Variants in BSN observed in about 807,000 individuals in gnomAD.
BSN encodes bassoon presynaptic cytomatrix protein, also known as protein bassoon.
Under a neutral mutation model 264.8 loss-of-function variants are expected in BSN, and 57 were observed. The observed-to-expected ratio is 0.22, with a 90% confidence interval of 0.17 to 0.27. The LOEUF (loss-of-function observed/expected upper bound fraction) is 0.27. Among genes scored for constraint, BSN ranks in the 10% least tolerant of loss-of-function variants. The pLI, the probability that BSN is intolerant of heterozygous loss-of-function variation, is 1.00. For synonymous variants in BSN, 2,059 were observed against 2,137.3 expected (o/e 0.96, Z 1.01); for missense variants, 4,615 against 5,232.5 (o/e 0.88, Z 3.64).
rs779899920 is a variant in BSN, at chr3:49,652,010, C to T, written c.2454C>T (p.Ser818=). 2.0e-5 allele frequency: 32 copies of T among 1,612,736 alleles called. No homozygotes were observed. The South Asian group carries it at 3.3e-4, about 17-fold the overall frequency. Residue 818 remains serine (S), a synonymous_variant, in exon 5 of 12, where the codon AGC becomes AGT. Coordinates refer to ENST00000296452, the MANE Select transcript of BSN (RefSeq NM_003458.4). ...SQLRHDYVED[S]SEGGLSPLPP... is the part of the protein sequence containing the mutation. ...TGAGGCACGACTATGTGGAGGACAG[C>T]AGTGAGGGTGGCCTGTCCCCTCTTC...
chr3:49,650,259 G>A (rs941079142), intron 3 of BSN, among the ~76,000 whole-genome samples: 9 of 152,220 alleles, frequency 5.9e-5, no homozygotes, highest in African/African-American at 2.2e-4. Context: ...ACTAGGAGCC[G>A]TTTGCTCCCT....
At position 49,657,205 on chromosome 3, in the gene BSN, G is replaced by T. The variant is rs749471670; in HGVS notation, c.7649G>T (p.Arg2550Leu). The part of the protein sequence containing the change: ...LQTEEQWEAS[R>L]SGIKKRHSMP... ...ACGGAGGAGCAGTGGGAGGCCAGCC[G>T]TAGTGGCATCAAGAAGCGGCACTCC... The change falls in exon 5 of 12, where the codon CGT (arginine) becomes CTT (leucine). Residue 2550 changes from arginine (R) to leucine (L), a missense_variant. Arg to Leu is a moderately radical substitution (Grantham distance 102). Transcript: ENST00000296452. The T allele has an allele frequency of 1.9e-6, 3 of 1,613,310 alleles. No homozygotes were observed. Among genetic ancestry groups the T allele is most frequent in the Non-Finnish European group, 2.5e-6 (3 of 1,180,056 alleles).
chr3:49,573,657 GTT>G (rs965564780), intron 1 of BSN, among the ~76,000 whole-genome samples: 4 of 141,874 alleles, frequency 2.8e-5, no homozygotes, highest in Non-Finnish European at 3.1e-5. Context: ...TTTCTCTCTG[GTT>G]TTTTTTTTTT....
Position 49,661,436 on chromosome 3 carries a change from G to A in BSN, c.9591G>A (p.Val3197=). Residue 3197 remains valine, a synonymous_variant, in exon 6 of 12, where the codon GTG becomes GTA. Coordinates refer to ENST00000296452, the MANE Select transcript of BSN (RefSeq NM_003458.4). ...ATGAGCAGGGCAAGGTCCCTGAGGTGCCCCGGGCTGGTGACCGTGGCAGTG... is the reference window on the plus strand; with the variant it reads ...ATGAGCAGGGCAAGGTCCCTGAGGTACCCCGGGCTGGTGACCGTGGCAGTG... ...SGYEQGKVPE[V]PRAGDRGSVS... The A allele has an allele frequency of 6.2e-7, 1 of 1,613,624 alleles. No individual in the cohort carries two copies.
At chr3:49,563,385 T>G (rs1212627881) in intron 1 of BSN, among the ~76,000 whole-genome samples, 2 of 152,204 alleles carry the variant, frequency 1.3e-5, no homozygotes, top group Non-Finnish European at 2.9e-5. Flanking sequence ...CTCCTGAGTG[T>G]TGTTCCACCT....
intron 1 of BSN, among the ~76,000 whole-genome samples, chr3:49,603,648 T>C (rs1389292603): frequency 6.6e-6 from 1 of 152,200 alleles, no homozygotes; most frequent in Non-Finnish European, 1.5e-5. Context: ...TGCAGTCCAT[T>C]AGAAGGGTTC....
At chr3:49,584,933 T>C (rs982841538) in intron 1 of BSN, among the ~76,000 whole-genome samples, 1 of 152,242 alleles carries the variant, frequency 6.6e-6, no homozygotes, top group Non-Finnish European at 1.5e-5. Context: ...CATAATGATC[T>C]CTAGTTCTGG....
In BSN at chr3:49,650,741, A is replaced by C. The variant is rs2052534886; in HGVS notation, c.1648A>C (p.Thr550Pro). ...PVGAPHRASG[T>P]SPLKQKGPQG... Reference sequence around the variant, plus strand: ...AGGGGCCCCTCACCGTGCATCTGGAACATCCCCTCTGAAGCAGAAAGGGCC... The same window carrying C: ...AGGGGCCCCTCACCGTGCATCTGGACCATCCCCTCTGAAGCAGAAAGGGCC... Residue 550 changes from threonine to proline, a missense_variant, in exon 4 of 12, where the codon ACA becomes CCA. Thr to Pro is a conservative substitution (Grantham distance 38). Transcript: ENST00000296452. 1 of 1,613,424 alleles carries C rather than the reference A, an allele frequency of 6.2e-7. No homozygotes were observed. The highest frequency in any genetic ancestry group is 8.5e-7 in the Non-Finnish European group (1 of 1,179,934).
rs758905476 is a variant in BSN at position 49,652,826 on chromosome 3, C to T, written c.3270C>T (p.Ser1090=). ...GGGCCCAGCGGAGGCGAGAGCGCTC[C>T]AAGACACCACCCAGTAACTTGTCAC... The part of the protein sequence containing the change: ...ELRAQRRRER[S]KTPPSNLSPI... Residue 1090 remains serine (S), a synonymous_variant, in exon 5 of 12, where the codon TCC becomes TCT. Coordinates refer to ENST00000296452, the MANE Select transcript of BSN (RefSeq NM_003458.4). 6.3e-6 allele frequency: 10 copies of T among 1,583,164 alleles called. No individual in the cohort carries two copies. The highest frequency in any genetic ancestry group is 1.4e-5 in the African/African-American group (1 of 73,804).
At chr3:49,584,997 T>G (rs1408353280) in intron 1 of BSN, among the ~76,000 whole-genome samples, 1 of 152,236 alleles carries the variant, frequency 6.6e-6, no homozygotes, top group East Asian at 1.9e-4. Flanking sequence ...TGAGTAGTAC[T>G]CCACTGTATA....
chr3:49,562,804 G>A (rs866688698), intron 1 of BSN, among the ~76,000 whole-genome samples: 5 of 152,308 alleles, frequency 3.3e-5, no homozygotes, highest in South Asian at 4.1e-4. Flanking sequence ...TGAGCAAAGG[G>A]CAGGGTAGGA....
intron 11 of BSN, among the ~76,000 whole-genome samples, 161 bp downstream of exon 11, chr3:49,665,479 G>A (rs2052706231): frequency 6.6e-6 from 1 of 152,216 alleles, no homozygotes; most frequent in African/African-American, 2.4e-5. Context: ...GCAGAGGCAG[G>A]GGCCACAGAG....
At chr3:49,577,211 G>A (rs886128397) in intron 1 of BSN, among the ~76,000 whole-genome samples, 2 of 152,198 alleles carry the variant, frequency 1.3e-5, no homozygotes, top group Non-Finnish European at 2.9e-5. Context: ...CCTATGGCTT[G>A]TGAGAGGCTT....
intron 1 of BSN, among the ~76,000 whole-genome samples, chr3:49,556,047 A>G (rs995798391): frequency 2.0e-5 from 3 of 152,196 alleles, no homozygotes; most frequent in African/African-American, 7.2e-5. Context: ...TGTCCATTTT[A>G]TACTAGCTAT....
chr3:49,564,431 A>T (rs751437411), intron 1 of BSN, among the ~76,000 whole-genome samples: 2 of 152,164 alleles, frequency 1.3e-5, no homozygotes, highest in African/African-American at 4.8e-5. Context: ...GATCCTTTCC[A>T]ACCTAGTGAG....
chr3:49,656,769 C>T lies in BSN; in HGVS notation c.7213C>T (p.Arg2405Cys), dbSNP rs2052606426. 7.0e-6 allele frequency: 11 copies of T among 1,581,650 alleles called. No individual in the cohort carries two copies. The highest frequency in any genetic ancestry group is 1.8e-4 in the Middle Eastern group (1 of 5,628). The change falls in exon 5 of 12, where the codon CGT becomes TGT. Residue 2405 changes from arginine (R) to cysteine (C), a missense_variant. By Grantham distance (180) the Arg-to-Cys change is radical. Transcript: ENST00000296452. ...ERERVELQRHREEEQLLVQRE... is the reference protein window; with the variant it reads ...ERERVELQRHCEEEQLLVQRE... ...GGAACGTGTGGAGCTGCAGAGGCAC[C>T]GTGAGGAGGAGCAGCTGCTGGTGCA...
intron 3 of BSN, among the ~76,000 whole-genome samples, chr3:49,644,392 A>G (rs1406695057): frequency 6.6e-6 from 1 of 152,150 alleles, no homozygotes; most frequent in African/African-American, 2.4e-5. Flanking sequence ...ACTCCACAGG[A>G]GTCCCCGTGG....
At chr3:49,616,706 TC>T (rs1487024388) in intron 1 of BSN, among the ~76,000 whole-genome samples, 1 of 152,188 alleles carries the variant, frequency 6.6e-6, no homozygotes, top group Admixed American at 6.5e-5. Flanking sequence ...AGGCCCTCCT[TC>T]CCACTGTGCA....
chr3:49,595,192 AT>A (rs770763102), intron 1 of BSN, among the ~76,000 whole-genome samples: 252 of 105,708 alleles, frequency 2.4e-3, no homozygotes, highest in Middle Eastern at 0.011. Context: ...CCTGGCCACA[AT>A]TTTTTTTTTT....
Sources: gnomAD v4.1 joint callset for allele counts (sites outside exome capture counted in the v4.1 genomes callset) on GRCh38, gnomAD v4.1.1 for gene constraint, MANE v1.5 for transcripts, NCBI Gene and HGNC (gene_info 2026-07-23, HGNC 2026-07-21) for gene names.